Variants in NCALD observed in about 807,000 individuals in gnomAD.
NCALD encodes the protein neurocalcin-delta.
A neutral mutation model predicts 18.6 loss-of-function variants in NCALD; 10 were observed. The ratio of observed to expected loss-of-function variants is 0.54; its 90% CI spans 0.33 to 0.91. The LOEUF is 0.91. NCALD is among the 40% of genes least tolerant of loss of function. The pLI, the probability that NCALD is intolerant of heterozygous loss-of-function variation, is 0.03. For missense variants in NCALD, 184 were observed against 247.6 expected, an observed-to-expected ratio of 0.74 and a Z score of 1.72; for synonymous variants, 88 against 87.4, an observed-to-expected ratio of 1.01 and a Z score of -0.04.
At chr8:101,951,765 G>A (rs1425065091) in intron 2 of NCALD, among the ~76,000 whole-genome samples, 1 of 152,140 alleles carries the variant, frequency 6.6e-6, no homozygotes, top group Admixed American at 6.5e-5. Context: ...TTCCACGATG[G>A]ATATCCATCC....
At chr8:101,854,478 T>C (rs1440256) in intron 4 of NCALD, among the ~76,000 whole-genome samples, 2,378 of 152,284 alleles carry the variant, frequency 0.016, 71 homozygotes, top group African/African-American at 0.051. Context: ...TTTTCTCTCC[T>C]ACTTGCTGCC....
rs370734005 is a variant in NCALD at position 101,942,254 on chromosome 8, G to A, written c.-156-26396C>T. ...AGATGCACTGGAAGAGTCTTAACCCGTCTGCTGCTGGCCTCTCGCTGCACC... is the reference window on the plus strand; with the variant it reads ...AGATGCACTGGAAGAGTCTTAACCCATCTGCTGCTGGCCTCTCGCTGCACC... On this transcript the variant is annotated intron_variant, in intron 2 of 6. Transcript: ENST00000311028. Among the ~76,000 whole-genome samples, 80 of 152,246 alleles carry A rather than the reference G, an allele frequency of 5.3e-4. 2 individuals carry two copies. Among genetic ancestry groups the A allele is most frequent in the Admixed American group, 4.6e-3 (71 of 15,298 alleles).
intron 4 of NCALD, among the ~76,000 whole-genome samples, chr8:101,862,837 TC>T (rs1374375276): frequency 6.6e-6 from 1 of 152,216 alleles, no homozygotes; most frequent in African/African-American, 2.4e-5. Context: ...GACAGCTCAC[TC>T]CCTTTTAAAA....
intron 1 of NCALD, among the ~76,000 whole-genome samples, chr8:101,772,057 T>A (rs1288057118): frequency 7.0e-6 from 1 of 142,656 alleles, no homozygotes; most frequent in East Asian, 2.1e-4. Flanking sequence ...CCACAGAGAG[T>A]TCTACACACC....
chr8:101,772,446 T>C (rs1222790018), intron 1 of NCALD, among the ~76,000 whole-genome samples: 1 of 152,136 alleles, frequency 6.6e-6, no homozygotes, highest in African/African-American at 2.4e-5. Flanking sequence ...CTGTTAAGAT[T>C]TGGACTTCAG....
intron 2 of NCALD, among the ~76,000 whole-genome samples, chr8:101,994,264 G>C (rs1821155900): frequency 6.6e-6 from 1 of 152,108 alleles, no homozygotes. Flanking sequence ...AAATGCAAGG[G>C]GCGACTGTGA....
rs1263268528 is a variant in NCALD at position 101,894,578 on chromosome 8, GT to G, written c.-106-7352del. On this transcript the variant is annotated intron_variant, in intron 3 of 6. Coordinates refer to the NCALD transcript ENST00000311028. ...AAAAAATCAAGGAATCCAGGAACTG[GT>G]TTTTTGAAAGGATCAACAAAATTGA... 5.2e-4 allele frequency among the ~76,000 whole-genome samples: 75 copies of G among 143,666 alleles called. 2 individuals are homozygous for G. Among genetic ancestry groups the G allele is most frequent in the South Asian group, 2.1e-4 (1 of 4,656 alleles). 94.3% of individuals were successfully genotyped at this position (143,666 alleles called of 152,430 possible). A position where few individuals can be genotyped will look rare whatever the true frequency, so the allele number is the denominator to read the frequency against.
intron 2 of NCALD, among the ~76,000 whole-genome samples, chr8:101,988,839 TG>T (rs1820927668): frequency 7.1e-6 from 1 of 141,612 alleles, no homozygotes; most frequent in South Asian, 2.2e-4. Context: ...AGAAGAGCCC[TG>T]TGGGTTGCAT....
chr8:102,029,605 T>C (rs1463306953), intron 1 of NCALD, among the ~76,000 whole-genome samples: 1 of 152,206 alleles, frequency 6.6e-6, no homozygotes, highest in Non-Finnish European at 1.5e-5. Context: ...CGTTTCATCA[T>C]AAAAACCTTC....
intron 2 of NCALD, among the ~76,000 whole-genome samples, chr8:101,965,698 G>A (rs902823309): frequency 6.6e-5 from 10 of 152,050 alleles, no homozygotes; most frequent in Admixed American, 4.6e-4. Flanking sequence ...AACCACCATG[G>A]CATGCGTATA....
chr8:101,940,075 A>C (rs1486381430), intron 2 of NCALD, among the ~76,000 whole-genome samples: 2 of 152,194 alleles, frequency 1.3e-5, no homozygotes, highest in South Asian at 4.1e-4. Flanking sequence ...TGTTCTTTTC[A>C]AGGTTAAAGT....
At chr8:101,855,905 T>A (rs1392579853) in intron 4 of NCALD, among the ~76,000 whole-genome samples, 3 of 152,196 alleles carry the variant, frequency 2.0e-5, no homozygotes, top group Admixed American at 6.5e-5. Context: ...GTCTTAGTAA[T>A]CATTTTCCCT....
chr8:101,891,359 A>G (rs1586702038), intron 3 of NCALD, among the ~76,000 whole-genome samples: 1 of 152,236 alleles, frequency 6.6e-6, no homozygotes, highest in Admixed American at 6.5e-5. Context: ...AGTAAATACA[A>G]TCATACAGTA....
intron 3 of NCALD, among the ~76,000 whole-genome samples, chr8:101,908,465 A>C (rs1332458474): frequency 6.6e-6 from 1 of 152,154 alleles, no homozygotes; most frequent in Non-Finnish European, 1.5e-5. Flanking sequence ...GAGAACCACA[A>C]ACCACAATAT....
intron 1 of NCALD, among the ~76,000 whole-genome samples, chr8:101,733,769 T>G (rs772497456): frequency 2.6e-4 from 40 of 152,170 alleles, no homozygotes; most frequent in Non-Finnish European, 5.4e-4. Context: ...CTCCTCAGAT[T>G]GCTAGCCAGG....
At chr8:101,833,610 G>GTTTTTTTTTTTTTTT (rs555031298) in intron 4 of NCALD, among the ~76,000 whole-genome samples, 21 of 88,450 alleles carry the variant, frequency 2.4e-4, no homozygotes, top group Non-Finnish European at 2.4e-4. Context: ...TTTGTTTCTT[G>GTTTTTTTTTTTTTTT]TTTTTTTTTT....
intron 1 of NCALD, among the ~76,000 whole-genome samples, chr8:101,773,657 G>A (rs1275244257): frequency 6.6e-6 from 1 of 152,166 alleles, no homozygotes; most frequent in Non-Finnish European, 1.5e-5. Flanking sequence ...CTGTGAGAGA[G>A]GCCCCAGCAG....
Position 101,692,505 on chromosome 8 carries a change from G to A in NCALD, c.484+286C>T, listed in dbSNP as rs961303316. 4.1e-6 allele frequency: 4 copies of A among 985,308 alleles called. No homozygotes were observed. The African/African-American group carries it at 5.2e-5, about 13-fold the overall frequency. The allele number at this position is 985,308 out of a possible 1,614,324, so 61.0% of individuals were successfully genotyped here. On this transcript the variant is annotated intron_variant, in intron 3 of 3. Coordinates refer to ENST00000220931, the MANE Select transcript of NCALD (RefSeq NM_032041.3). The stretch of plus-strand genomic sequence containing the variant: ...CCAAGGATGGGTCTGTGCTAACAAT[G>A]GTTTCTTGGTTCCTTTCATTCTTGC...
At chr8:101,878,441 G>T (rs927815138) in intron 4 of NCALD, among the ~76,000 whole-genome samples, 4 of 152,144 alleles carry the variant, frequency 2.6e-5, no homozygotes, top group Non-Finnish European at 4.4e-5. Flanking sequence ...AAAGCCATTT[G>T]GGTTTTAAAT....
Sources: allele counts gnomAD v4.1 joint callset (sites outside exome capture counted in the v4.1 genomes callset), GRCh38; gene constraint gnomAD v4.1.1; transcripts MANE v1.5; gene names NCBI Gene and HGNC (gene_info 2026-07-23, HGNC 2026-07-21).